Variants in DMP1 observed in about 807,000 individuals in gnomAD.
DMP1 encodes the protein dentin matrix protein 1.
DMP1 carries 20 observed loss-of-function variants against 14.6 expected under a neutral mutation model. The observed-to-expected ratio is 1.37, with a 90% CI of 0.96 to 1.99. DMP1 has a LOEUF of 1.99. Among genes scored for constraint, DMP1 ranks in the 30% most tolerant of loss-of-function variants. The pLI, the probability that DMP1 is intolerant of heterozygous loss-of-function variation, is 0.00. For synonymous variants in DMP1, 197 were observed against 215.3 expected, an observed-to-expected ratio of 0.91 and a Z score of 0.75; for missense variants, 567 against 620.5, an observed-to-expected ratio of 0.91 and a Z score of 0.92.
At chr4:87,661,480 C>T (rs111481446) in intron 5 of DMP1, among the ~76,000 whole-genome samples, 1,554 of 151,694 alleles carry the variant, frequency 0.01, 18 homozygotes, top group African/African-American at 0.035. Context: ...CCTCGGCCTC[C>T]CAAAGTGCTG....
intron 3 of DMP1, chr4:87,657,353 G>A (rs1560491391): frequency 4.2e-6 from 1 of 239,688 alleles, no homozygotes; most frequent in Non-Finnish European, 8.1e-6. Context: ...CTTCAGGAGA[G>A]ATTATGACTT....
chr4:87,662,993 C>G lies in DMP1; in HGVS notation c.1215C>G (p.Asp405Glu), dbSNP rs907677714. 9.3e-6 allele frequency: 15 copies of G among 1,614,064 alleles called. No homozygotes were observed. The highest frequency in any genetic ancestry group is 1.3e-5 in the Non-Finnish European group (15 of 1,180,042). Residue 405 changes from aspartate (D) to glutamate (E), a missense_variant, in exon 6 of 6, where the codon GAC (aspartate) becomes GAG (glutamate). Transcript: ENST00000339673. ...SKSESREEQA[D>E]SESSESLNFS... The stretch of plus-strand genomic sequence containing the variant: ...GTGAATCCAGAGAGGAGCAAGCAGA[C>G]AGCGAATCCAGTGAGAGCCTCAACT...
chr4:87,662,697 A>G lies in DMP1; in HGVS notation c.919A>G (p.Ser307Gly). Residue 307 changes from serine (S) to glycine (G), a missense_variant, in exon 6 of 6, where the codon AGC (serine) becomes GGC (glycine). Physicochemically the swap from Ser to Gly is moderately conservative, Grantham distance 56. Coordinates refer to ENST00000339673, the MANE Select transcript of DMP1 (RefSeq NM_004407.4). ...ENSNSRDTGL[S>G]QPRRDSKGDS... ...CAGCAACTCCAGAGACACTGGCCTC[A>G]GCCAACCCAGGAGAGACAGCAAGGG... 1 of 1,614,182 alleles carries G rather than the reference A, an allele frequency of 6.2e-7. No individual in the cohort carries two copies. The highest frequency in any genetic ancestry group is 8.5e-7 in the Non-Finnish European group (1 of 1,180,024).
At position 87,652,725 on chromosome 4, in the gene DMP1, A is replaced by T. The variant is rs180727403; in HGVS notation, c.-22+2341A>T. Among the ~76,000 whole-genome samples, 152 of 152,318 alleles carry T rather than the reference A, an allele frequency of 1.0e-3. 1 individual carries two copies. Among genetic ancestry groups the T allele is most frequent in the Non-Finnish European group, 1.6e-3 (111 of 68,012 alleles). On this transcript the variant is annotated intron_variant, in intron 1 of 5. Transcript: ENST00000339673. ...GCACAATGGCATCCCCAGTTTTCTA[A>T]TTATTTAGATTAGAGAAGCTAAAGA...
intron 5 of DMP1, among the ~76,000 whole-genome samples, chr4:87,661,552 G>A (rs1728879545): frequency 6.6e-6 from 1 of 151,686 alleles, no homozygotes; most frequent in Admixed American, 6.6e-5. Flanking sequence ...GTAGAGACGA[G>A]GTTTCACCAT....
At chr4:87,654,357 G>C (rs1728626114) in intron 1 of DMP1, among the ~76,000 whole-genome samples, 1 of 152,090 alleles carries the variant, frequency 6.6e-6, no homozygotes, top group African/African-American at 2.4e-5. Flanking sequence ...GGAGGGCAGG[G>C]GAAGGTCAGA....
chr4:87,653,272 G>A (rs1308910627), intron 1 of DMP1, among the ~76,000 whole-genome samples: 1 of 150,880 alleles, frequency 6.6e-6, no homozygotes, highest in African/African-American at 2.4e-5. Context: ...AGCCTGTTCA[G>A]GCTCCTTATC....
intron 5 of DMP1, among the ~76,000 whole-genome samples, chr4:87,661,383 G>A (rs868375867): frequency 9.5e-4 from 144 of 151,962 alleles, no homozygotes; most frequent in African/African-American, 3.0e-3. Context: ...CACCTCGCCC[G>A]GCTAATTTTT....
At chr4:87,655,917 C>G (rs1728676973) in intron 1 of DMP1, among the ~76,000 whole-genome samples, 2 of 152,162 alleles carry the variant, frequency 1.3e-5, no homozygotes, top group African/African-American at 4.8e-5. Flanking sequence ...CTCATTGAAA[C>G]ATTTTCAATT....
At chr4:87,653,488 C>T (rs1236521308) in intron 1 of DMP1, among the ~76,000 whole-genome samples, 3 of 143,924 alleles carry the variant, frequency 2.1e-5, no homozygotes, top group Non-Finnish European at 3.0e-5. Flanking sequence ...TGGAGTGGCA[C>T]GATCATGGCT....
rs752538947 is a variant in DMP1 at position 87,660,453 on chromosome 4, C to T, written c.183+975C>T. Among the ~76,000 whole-genome samples, 20 of 152,104 alleles carry T rather than the reference C, an allele frequency of 1.3e-4. 1 individual carries two copies. The highest frequency in any genetic ancestry group is 2.4e-4 in the Non-Finnish European group (16 of 68,032). On this transcript the variant is annotated intron_variant, in intron 5 of 5. Transcript: ENST00000339673. ...CCCATGCTCAGTTCCACCATACTAGCATAAAACTCCAGTGCTAGGAAGAGA... is the reference window on the plus strand; with the variant it reads ...CCCATGCTCAGTTCCACCATACTAGTATAAAACTCCAGTGCTAGGAAGAGA...
intron 5 of DMP1, among the ~76,000 whole-genome samples, chr4:87,661,379 G>T (rs890910339): frequency 5.9e-5 from 9 of 152,012 alleles, no homozygotes; most frequent in Middle Eastern, 3.4e-3. Flanking sequence ...CCGCCACCTC[G>T]CCCGGCTAAT....
In DMP1 at chr4:87,663,275, AC is replaced by A. The variant is rs781354531; in HGVS notation, c.1500del (p.Ile501LeufsTer31). ...TAACAGTTGATGCCTATCACAACAA[AC>A]CCATTGGGGACCAAGATGACAATGA... ...KLTVDAYHNK[P>X]IGDQDDNDCQ... is the part of the protein sequence containing the mutation. On this transcript the variant is annotated frameshift_variant, in exon 6 of 6. Transcript: ENST00000339673. LOFTEE classifies it high-confidence loss of function. The A allele has an allele frequency of 1.1e-5, 18 of 1,614,132 alleles. No homozygotes were observed. Among genetic ancestry groups the A allele is most frequent in the Non-Finnish European group, 8.5e-7 (1 of 1,180,046 alleles).
chr4:87,659,478 G>C lies in DMP1; in HGVS notation c.183G>C (p.Gln61His). The part of the protein sequence containing the change: ...SEGSKVSSEE[Q>H]ANEDPSDSTQ... ...GCAGTAAAGTTAGCTCAGAGGAACAGGTAATTAAACAGACCTTTCTTAACT... is the reference window on the plus strand; with the variant it reads ...GCAGTAAAGTTAGCTCAGAGGAACACGTAATTAAACAGACCTTTCTTAACT... Residue 61 changes from glutamine (Q) to histidine (H), a missense_variant and splice_region_variant, in exon 5 of 6, where the codon CAG becomes CAC. Physicochemically the swap from Gln to His is conservative, Grantham distance 24 (BLOSUM62 0). Coordinates refer to ENST00000339673, the MANE Select transcript of DMP1 (RefSeq NM_004407.4). 6.2e-7 allele frequency: 1 copy of C among 1,613,764 alleles called. No individual in the cohort carries two copies. Among genetic ancestry groups the C allele is most frequent in the Non-Finnish European group, 8.5e-7 (1 of 1,179,746 alleles).
rs200640698 is a variant in DMP1, at chr4:87,662,840, G to A, written c.1062G>A (p.Glu354=). 6.9e-5 allele frequency: 111 copies of A among 1,613,348 alleles called. No individual in the cohort carries two copies. Among genetic ancestry groups the A allele is most frequent in the Middle Eastern group, 3.3e-4 (2 of 6,062 alleles). The change falls in exon 6 of 6, where the codon GAG becomes GAA. Residue 354 remains glutamate, a synonymous_variant. Transcript: ENST00000339673. ...TGTCATCTCAAGAGAACAGCAGTGA[G>A]TCTCAGGAAGAGGTGGTGAGTGAGT... is the stretch of plus-strand genomic sequence containing the variant. ...ANLSSQENSS[E]SQEEVVSESR...
At position 87,662,161 on chromosome 4, in the gene DMP1, AAGG is replaced by A. The variant is rs750782457; in HGVS notation, c.388_390del (p.Gly130del). 4 of 1,614,226 alleles carry A rather than the reference AAGG, an allele frequency of 2.5e-6. No individual in the cohort carries two copies. The South Asian group carries it at 4.4e-5, about 18-fold the overall frequency. The stretch of plus-strand genomic sequence containing the variant: ...GGCCCAGGGCCCAAAGACAGACAAG[AAGG>A]AGGAAACTCCAGACTGGGAAGTGAT... On this transcript the variant is annotated inframe_deletion, in exon 6 of 6. Coordinates refer to ENST00000339673, the MANE Select transcript of DMP1 (RefSeq NM_004407.4).
chr4:87,657,318 G>A (rs1578152574), intron 3 of DMP1: 2 of 337,448 alleles, frequency 5.9e-6, no homozygotes, highest in Non-Finnish European at 1.1e-5. Flanking sequence ...TAGTACCAGG[G>A]GATGCATGAC....
chr4:87,651,211 A>T (rs1728524377), intron 1 of DMP1, among the ~76,000 whole-genome samples: 1 of 152,146 alleles, frequency 6.6e-6, no homozygotes, highest in African/African-American at 2.4e-5. Context: ...TTGTTGTTTA[A>T]AAATGCGAAC....
chr4:87,656,177 A>G (rs1235517760), intron 1 of DMP1, among the ~76,000 whole-genome samples: 2 of 152,156 alleles, frequency 1.3e-5, no homozygotes, highest in African/African-American at 4.8e-5. Context: ...GTCTCTGTAG[A>G]TTTGCCTATT....
Sources: allele counts gnomAD v4.1 joint callset (sites outside exome capture counted in the v4.1 genomes callset), GRCh38; gene constraint gnomAD v4.1.1; transcripts MANE v1.5; gene names NCBI Gene and HGNC (gene_info 2026-07-23, HGNC 2026-07-21).